CFAP20DC: variants seen among roughly 807,000 people sequenced by gnomAD.
CFAP20DC encodes protein CFAP20DC.
In CFAP20DC, 84 loss-of-function variants were observed where a neutral mutation model predicts 101.7. That is an observed-to-expected ratio of 0.83 (90% confidence interval 0.69 to 0.99). The LOEUF (loss-of-function observed/expected upper bound fraction) is 0.99. CFAP20DC is among the 50% of genes least tolerant of loss of function. The pLI, the probability that CFAP20DC is intolerant of heterozygous loss-of-function variation, is 0.00. For synonymous variants in CFAP20DC, 359 were observed against 351.2 expected (o/e 1.02, Z -0.25); for missense variants, 1,007 against 970.3 (o/e 1.04, Z -0.50).
chr3:58,836,366 T>C (rs1404904834), intron 13 of CFAP20DC, among the ~76,000 whole-genome samples: 1 of 152,186 alleles, frequency 6.6e-6, no homozygotes, highest in East Asian at 1.9e-4. Context: ...CAACTTGATG[T>C]CCTTCGCCCA....
chr3:58,866,818 G>T, intron 10 of CFAP20DC, 130 bp from the exon 11 acceptor site: 3 of 534,000 alleles, frequency 5.6e-6, no homozygotes, highest in Non-Finnish European at 6.4e-6. Context: ...GTAACAATAT[G>T]AATTACATGC....
intron 3 of CFAP20DC, among the ~76,000 whole-genome samples, chr3:59,041,726 A>G (rs1230944794): frequency 1.3e-5 from 2 of 151,934 alleles, no homozygotes; most frequent in African/African-American, 4.8e-5. Flanking sequence ...TTTTTCTCCC[A>G]CTTCAACACA....
intron 16 of CFAP20DC, among the ~76,000 whole-genome samples, chr3:58,752,523 G>A (rs144697422): frequency 2.1e-4 from 32 of 152,084 alleles, no homozygotes; most frequent in Non-Finnish European, 4.3e-4. Flanking sequence ...TACCTTGGGT[G>A]CCTTTGCTCA....
At chr3:58,980,794 A>C (rs1026545476) in intron 4 of CFAP20DC, among the ~76,000 whole-genome samples, 23 of 152,220 alleles carry the variant, frequency 1.5e-4, no homozygotes, top group Admixed American at 3.9e-4. Context: ...GAAAACTGGC[A>C]CAAGACAGGG....
At position 58,892,807 on chromosome 3, in the gene CFAP20DC, T is replaced by C. The variant is rs2082356677; in HGVS notation, c.551-8098A>G. ...GTAATTTGACTTCCTCTCTTCCTAT[T>C]TGAATACTCTTTATTTTTTTCTCTT... is the stretch of plus-strand genomic sequence containing the variant. On this transcript the variant is annotated intron_variant, in intron 6 of 16. Transcript: ENST00000482387. The surrounding 1 kb of genome is among the most constrained non-coding windows in gnomAD (Gnocchi z 4.0). 6.6e-6 allele frequency among the ~76,000 whole-genome samples: 1 copy of C among 152,232 alleles called. No homozygotes were observed. Among genetic ancestry groups the C allele is most frequent in the Non-Finnish European group, 1.5e-5 (1 of 68,040 alleles).
In CFAP20DC at chr3:58,971,533, T is replaced by G. The variant is rs899211437; in HGVS notation, c.279-33771A>C. ...ATATATACATTCTCTTTTTCATTTT[T>G]ACACGAAAATCTCACACATATTTAA... On this transcript the variant is annotated intron_variant, in intron 4 of 16. Transcript: ENST00000482387. The surrounding 1 kb of genome is among the most constrained non-coding windows in gnomAD (Gnocchi z 4.1). 1.2e-4 allele frequency among the ~76,000 whole-genome samples: 18 copies of G among 152,102 alleles called. No homozygotes were observed. Among genetic ancestry groups the G allele is most frequent in the African/African-American group, 3.6e-4 (15 of 41,440 alleles).
At chr3:58,751,614 C>A (rs535806337) in intron 16 of CFAP20DC, among the ~76,000 whole-genome samples, 1 of 152,252 alleles carries the variant, frequency 6.6e-6, no homozygotes, top group Admixed American at 6.6e-5. Flanking sequence ...TCCTGTAGAT[C>A]AGAAACTCTT....
intron 4 of CFAP20DC, among the ~76,000 whole-genome samples, chr3:58,995,227 T>A (rs1237858016): frequency 2.0e-5 from 3 of 152,150 alleles, no homozygotes; most frequent in Non-Finnish European, 2.9e-5. Context: ...CCCATCACTC[T>A]ATAGGTTTCC....
intron 5 of CFAP20DC, among the ~76,000 whole-genome samples, chr3:58,935,497 G>A (rs1366308876): frequency 6.6e-6 from 1 of 151,754 alleles, no homozygotes; most frequent in Admixed American, 6.5e-5. Context: ...CAAAGCTGGA[G>A]GTATCGCGCT....
At chr3:59,030,855 G>A (rs1009514096) in intron 4 of CFAP20DC, among the ~76,000 whole-genome samples, 2 of 151,700 alleles carry the variant, frequency 1.3e-5, no homozygotes, top group African/African-American at 2.4e-5. Flanking sequence ...ACGGAGTCTC[G>A]CTCTGTCACC....
chr3:58,771,371 C>T (rs1419115636), intron 15 of CFAP20DC, among the ~76,000 whole-genome samples: 2 of 151,642 alleles, frequency 1.3e-5, no homozygotes, highest in Non-Finnish European at 1.5e-5. Context: ...GCATATTCTG[C>T]ACATGTAACC....
At chr3:58,850,425 G>A (rs1035916124) in intron 12 of CFAP20DC, among the ~76,000 whole-genome samples, 1 of 151,668 alleles carries the variant, frequency 6.6e-6, no homozygotes, top group Admixed American at 6.6e-5. Flanking sequence ...TGTCTCTACT[G>A]AAAAAATACA....
intron 4 of CFAP20DC, among the ~76,000 whole-genome samples, chr3:58,973,869 T>C (rs2092105942): frequency 1.3e-5 from 2 of 151,982 alleles, no homozygotes; most frequent in Non-Finnish European, 2.9e-5. Flanking sequence ...GGGTCATCAG[T>C]AGGAAGTCCA....
At chr3:58,981,986 A>G (rs1242335144) in intron 4 of CFAP20DC, among the ~76,000 whole-genome samples, 1 of 152,196 alleles carries the variant, frequency 6.6e-6, no homozygotes, top group Non-Finnish European at 1.5e-5. Flanking sequence ...TCCAGAATCT[A>G]CAATGAACTC....
At chr3:58,817,231 G>A (rs1323621980) in intron 14 of CFAP20DC, among the ~76,000 whole-genome samples, 3 of 152,152 alleles carry the variant, frequency 2.0e-5, no homozygotes, top group Admixed American at 6.6e-5. Context: ...AACGCAGAGC[G>A]CCTCTCTTCC....
Position 58,725,243 on chromosome 3 carries a change from G to C in CFAP20DC, c.198-7615C>G, listed in dbSNP as rs1312416373. Among the ~76,000 whole-genome samples, 9 of 152,304 alleles carry C rather than the reference G, an allele frequency of 5.9e-5. No individual in the cohort carries two copies. The South Asian group carries it at 8.3e-4, about 14-fold the overall frequency. ...TTTGAGAGTCATTAACTTCCTCTCA[G>C]CTTCTGTGAGCTGTCATCAGTGGAG... On this transcript the variant is annotated intron_variant, in intron 3 of 3. Transcript: ENST00000486145.
At chr3:58,821,684 T>G (rs1302572085) in intron 14 of CFAP20DC, among the ~76,000 whole-genome samples, 6 of 151,674 alleles carry the variant, frequency 4.0e-5, no homozygotes, top group African/African-American at 1.5e-4. Context: ...GGAACACTTT[T>G]ACACTGTTGC....
At chr3:59,041,602 A>G (rs1301489495) in intron 3 of CFAP20DC, among the ~76,000 whole-genome samples, 1 of 152,142 alleles carries the variant, frequency 6.6e-6, no homozygotes, top group Non-Finnish European at 1.5e-5. Flanking sequence ...AAATTCTGTT[A>G]GTCAAAAATG....
chr3:58,760,605 C>G (rs1357525784), intron 15 of CFAP20DC, among the ~76,000 whole-genome samples: 1 of 152,156 alleles, frequency 6.6e-6, no homozygotes, highest in African/African-American at 2.4e-5. Context: ...GCATCCCTGT[C>G]TTGGGCCAGT....
Sources: gnomAD v4.1 joint callset for allele counts (sites outside exome capture counted in the v4.1 genomes callset) on GRCh38, gnomAD v4.1.1 for gene constraint, Gnocchi (gnomAD v3.1) non-coding constraint, MANE v1.5 for transcripts, NCBI Gene and HGNC (gene_info 2026-07-23, HGNC 2026-07-21) for gene names.